FSTL5: variants seen among roughly 807,000 people sequenced by gnomAD.
The protein encoded by FSTL5 is follistatin-related protein 5.
Under a neutral mutation model 89.1 loss-of-function variants are expected in FSTL5, and 62 were observed. The observed-to-expected ratio is 0.70, with a 90% CI of 0.57 to 0.86. The LOEUF (loss-of-function observed/expected upper bound fraction) is 0.86. Ranked by LOEUF, FSTL5 falls within the 40% of genes least tolerant of loss-of-function variation. FSTL5 has a pLI of 0.00. For synonymous variants in FSTL5, 383 were observed against 346.2 expected (o/e 1.11, Z -1.18); for missense variants, 1,057 against 1,001.6 (o/e 1.06, Z -0.75).
intron 6 of FSTL5, among the ~76,000 whole-genome samples, chr4:161,726,401 AT>A (rs34791322): frequency 0.59 from 88,341 of 150,842 alleles, 28,254 homozygotes; most frequent in Non-Finnish European, 0.72. Context: ...TAATTTTTGC[AT>A]TTTTTAGTAG....
chr4:161,997,668 G>T (rs374876321), intron 3 of FSTL5, among the ~76,000 whole-genome samples: 21 of 142,476 alleles, frequency 1.5e-4, no homozygotes, highest in Non-Finnish European at 2.5e-4. Context: ...GCAGTGGCAC[G>T]ATCTCTGCCC....
intron 2 of FSTL5, among the ~76,000 whole-genome samples, chr4:162,033,890 G>A (rs542935893): frequency 2.0e-5 from 3 of 152,116 alleles, no homozygotes; most frequent in East Asian, 1.9e-4. Context: ...CCTCAACCTC[G>A]CAGACTCAAG....
chr4:162,016,730 T>G (rs1274341119), intron 3 of FSTL5, among the ~76,000 whole-genome samples: 1 of 152,234 alleles, frequency 6.6e-6, no homozygotes, highest in Non-Finnish European at 1.5e-5. Context: ...ATCTTTATAA[T>G]GTTATACTAC....
chr4:161,743,419 C>A, intron 6 of FSTL5, among the ~76,000 whole-genome samples: 1 of 151,988 alleles, frequency 6.6e-6, no homozygotes, highest in South Asian at 2.1e-4. Context: ...TGTTTTAGTG[C>A]CAGTACCATA....
At chr4:161,831,032 C>A (rs76297158) in intron 4 of FSTL5, among the ~76,000 whole-genome samples, 130 of 151,992 alleles carry the variant, frequency 8.6e-4, no homozygotes, top group Non-Finnish European at 1.2e-3. Flanking sequence ...TTAAATGAAA[C>A]TTTCATGTCC....
intron 2 of FSTL5, among the ~76,000 whole-genome samples, chr4:162,090,516 A>C (rs1456522207): frequency 1.3e-5 from 2 of 152,100 alleles, no homozygotes; most frequent in Non-Finnish European, 2.9e-5. Context: ...CATTAGAGGA[A>C]TGCCCATCAA....
intron 4 of FSTL5, among the ~76,000 whole-genome samples, chr4:161,832,199 G>A (rs1421408308): frequency 2.0e-5 from 3 of 152,076 alleles, no homozygotes; most frequent in Non-Finnish European, 4.4e-5. Flanking sequence ...CCCAGGGAAA[G>A]GACAGGGGAA....
At chr4:161,645,405 A>G (rs1312929961) in intron 7 of FSTL5, among the ~76,000 whole-genome samples, 1 of 152,004 alleles carries the variant, frequency 6.6e-6, no homozygotes, top group Non-Finnish European at 1.5e-5. Flanking sequence ...TGGACATTGT[A>G]TTTTTATATA....
intron 9 of FSTL5, among the ~76,000 whole-genome samples, chr4:161,538,989 T>C (rs1343190075): frequency 6.6e-6 from 1 of 152,084 alleles, no homozygotes; most frequent in Non-Finnish European, 1.5e-5. Flanking sequence ...GGTTTCGAAC[T>C]CCTGACCTCA....
intron 6 of FSTL5, among the ~76,000 whole-genome samples, chr4:161,670,230 C>T (rs116552709): frequency 0.019 from 2,918 of 152,184 alleles, 80 homozygotes; most frequent in African/African-American, 0.065. Flanking sequence ...GAGTTCACAG[C>T]GAATTTTCAT....
chr4:161,926,675 C>T (rs1470393020), intron 3 of FSTL5, among the ~76,000 whole-genome samples: 4 of 151,902 alleles, frequency 2.6e-5, no homozygotes, highest in Admixed American at 2.6e-4. Context: ...GCAATCTCAA[C>T]ACTCTTTCCA....
At chr4:161,794,662 A>ATC (rs903288555) in intron 4 of FSTL5, among the ~76,000 whole-genome samples, 1 of 151,994 alleles carries the variant, frequency 6.6e-6, no homozygotes, top group Non-Finnish European at 1.5e-5. Context: ...ATCACATTTT[A>ATC]TCTCTCTCTC....
chr4:161,396,879 A>G (rs2110892740), intron 15 of FSTL5, among the ~76,000 whole-genome samples: 1 of 152,254 alleles, frequency 6.6e-6, no homozygotes, highest in African/African-American at 2.4e-5. Context: ...AATAAAGACA[A>G]TTGATAAACT....
At chr4:162,152,721 A>G (rs968973702) in intron 1 of FSTL5, among the ~76,000 whole-genome samples, 2 of 152,186 alleles carry the variant, frequency 1.3e-5, no homozygotes, top group African/African-American at 2.4e-5. Flanking sequence ...TACATTTTAG[A>G]GAACTTAAAT....
intron 8 of FSTL5, among the ~76,000 whole-genome samples, chr4:161,548,650 A>C (rs1435852291): frequency 1.3e-5 from 2 of 151,786 alleles, no homozygotes; most frequent in African/African-American, 4.8e-5. Context: ...GTTTACCACC[A>C]AAAATGCTGG....
intron 6 of FSTL5, among the ~76,000 whole-genome samples, chr4:161,687,125 A>G (rs1189881526): frequency 6.6e-6 from 1 of 152,210 alleles, no homozygotes; most frequent in African/African-American, 2.4e-5. Context: ...AAAACAAACT[A>G]AATATACAAT....
chr4:161,965,738 ATGCTGTGCTGG>A (rs1209025272), intron 3 of FSTL5, among the ~76,000 whole-genome samples: 1 of 152,096 alleles, frequency 6.6e-6, no homozygotes, highest in Non-Finnish European at 1.5e-5. Context: ...GCCCTTGTTC[ATGCTGTGCTGG>A]GCTGAGGCAC....
chr4:161,673,616 C>T (rs987483177), intron 6 of FSTL5, among the ~76,000 whole-genome samples: 1 of 151,934 alleles, frequency 6.6e-6, no homozygotes, highest in Non-Finnish European at 1.5e-5. Context: ...ATTCTAGCCT[C>T]TGACACTATA....
chr4:161,475,640 C>T (rs1292255967), intron 13 of FSTL5, among the ~76,000 whole-genome samples: 2 of 151,826 alleles, frequency 1.3e-5, no homozygotes, highest in Admixed American at 1.3e-4. Context: ...TACATTATTT[C>T]CTCAACTCCT....
Sources: gnomAD v4.1 joint callset for allele counts (sites outside exome capture counted in the v4.1 genomes callset) on GRCh38, gnomAD v4.1.1 for gene constraint, MANE v1.5 for transcripts, NCBI Gene and HGNC (gene_info 2026-07-23, HGNC 2026-07-21) for gene names.